Variants in KSR2 observed in about 807,000 individuals in gnomAD.
The protein encoded by KSR2 is kinase suppressor of ras 2.
In KSR2, 25 loss-of-function variants were observed where a neutral mutation model predicts 107.8. That is an observed-to-expected ratio of 0.23 (90% CI 0.17 to 0.32). The LOEUF is 0.32. Among genes scored for constraint, KSR2 ranks in the 10% least tolerant of loss-of-function variants. The probability of loss-of-function intolerance (pLI) is 1.00; values close to 1 mark genes in which losing one functional copy is unlikely to be tolerated. For missense variants in KSR2, 887 were observed against 1,268.9 expected, an observed-to-expected ratio of 0.70 and a Z score of 4.57; for synonymous variants, 480 against 507.0, an observed-to-expected ratio of 0.95 and a Z score of 0.71.
chr12:117,493,036 T>C (rs1872830428), intron 14 of KSR2, among the ~76,000 whole-genome samples: 1 of 152,108 alleles, frequency 6.6e-6, no homozygotes, highest in African/African-American at 2.4e-5. Context: ...TGTTTGTTGT[T>C]TCAAGCCACT....
At chr12:117,964,133 C>T (rs1355063933) in intron 1 of KSR2, among the ~76,000 whole-genome samples, 1 of 152,052 alleles carries the variant, frequency 6.6e-6, no homozygotes, top group Non-Finnish European at 1.5e-5. Flanking sequence ...CAAAAATTAC[C>T]AGGGCATGGT....
intron 5 of KSR2, among the ~76,000 whole-genome samples, chr12:117,595,995 C>A (rs549451042): frequency 6.6e-6 from 1 of 152,212 alleles, no homozygotes; most frequent in East Asian, 1.9e-4. Flanking sequence ...CAGTTGAGCC[C>A]CTGGAGCTTC....
At position 117,490,828 on chromosome 12, in the gene KSR2, G is replaced by A. The variant is rs114211874; in HGVS notation, c.2220-5137C>T. Reference sequence around the variant, plus strand: ...GGGATGAATTTAACGTGTAAAAATTGTACATATTTATTGTGTAGCACATGA... The same window carrying A: ...GGGATGAATTTAACGTGTAAAAATTATACATATTTATTGTGTAGCACATGA... On this transcript the variant is annotated intron_variant, in intron 14 of 19. Coordinates refer to ENST00000339824, the MANE Select transcript of KSR2 (RefSeq NM_173598.6). Among the ~76,000 whole-genome samples the A allele has an allele frequency of 4.4e-3, 667 of 152,294 alleles. 3 individuals carry two copies. The highest frequency in any genetic ancestry group is 0.016 in the African/African-American group (645 of 41,546).
In KSR2 at chr12:117,524,932, G is replaced by A. The variant is rs1175217464; in HGVS notation, c.2139C>T (p.Ala713=). The A allele has an allele frequency of 1.5e-5, 25 of 1,613,916 alleles. No homozygotes were observed. The highest frequency in any genetic ancestry group is 2.1e-5 in the Non-Finnish European group (25 of 1,179,874). The part of the protein sequence containing the change: ...QLKAFKREVM[A]YRQTRHENVV... ...CGTTCTCATGCCGTGTCTGCCTGTAGGCCATCACCTCCCGCTTGAAGGCCT... is the reference window on the plus strand; with the variant it reads ...CGTTCTCATGCCGTGTCTGCCTGTAAGCCATCACCTCCCGCTTGAAGGCCT... Residue 713 remains alanine, a synonymous_variant, in exon 14 of 20, where the codon GCC becomes GCT. Transcript: ENST00000339824.
intron 3 of KSR2, among the ~76,000 whole-genome samples, chr12:117,774,030 G>GT (rs951821360): frequency 2.6e-5 from 4 of 152,194 alleles, no homozygotes; most frequent in Non-Finnish European, 4.4e-5. Context: ...TACACAGCTA[G>GT]TAAGTGGTAG....
intron 4 of KSR2, among the ~76,000 whole-genome samples, chr12:117,688,378 GAA>G (rs1555227969): frequency 6.6e-6 from 1 of 151,054 alleles, no homozygotes; most frequent in African/African-American, 2.4e-5. Context: ...CCTTGTCTCA[GAA>G]AAAAAAAGTC....
chr12:117,658,324 G>A (rs907491849), intron 5 of KSR2, among the ~76,000 whole-genome samples: 45 of 152,168 alleles, frequency 3.0e-4, no homozygotes, highest in African/African-American at 1.1e-3. Flanking sequence ...GATACAGGAC[G>A]ATCCATTTGG....
intron 5 of KSR2, among the ~76,000 whole-genome samples, chr12:117,612,114 G>T (rs1881635593): frequency 6.6e-6 from 1 of 152,144 alleles, no homozygotes; most frequent in African/African-American, 2.4e-5. Flanking sequence ...GGTTAAAGTG[G>T]TATATCTCAT....
At chr12:117,478,894 G>A (rs1490286515) in intron 16 of KSR2, among the ~76,000 whole-genome samples, 1 of 152,200 alleles carries the variant, frequency 6.6e-6, no homozygotes, top group Non-Finnish European at 1.5e-5. Flanking sequence ...AGGTCACTCT[G>A]TAGTGTGGCC....
Position 117,825,392 on chromosome 12 carries a change from C to T in KSR2, c.472+30036G>A, listed in dbSNP as rs1341230879. 2.6e-5 allele frequency among the ~76,000 whole-genome samples: 4 copies of T among 151,996 alleles called. No homozygotes were observed. In the East Asian group the frequency reaches 7.7e-4, roughly 29 times the overall value. On this transcript the variant is annotated intron_variant, in intron 3 of 19. Coordinates refer to ENST00000339824, the MANE Select transcript of KSR2 (RefSeq NM_173598.6). ...AAATGTGTGCAGGGATGGATAGGTG[C>T]ATGGGTCGGGGCATAAATGTAGTGG...
chr12:117,511,524 C>T (rs1874025180), intron 14 of KSR2, among the ~76,000 whole-genome samples: 1 of 152,218 alleles, frequency 6.6e-6, no homozygotes, highest in Non-Finnish European at 1.5e-5. Flanking sequence ...CTAGCTTAGC[C>T]TAACACCAGC....
intron 5 of KSR2, among the ~76,000 whole-genome samples, chr12:117,589,085 G>A (rs1177212843): frequency 6.6e-6 from 1 of 152,144 alleles, no homozygotes; most frequent in African/African-American, 2.4e-5. Context: ...GTTGAACCCA[G>A]TTTCCTATAA....
At position 117,704,272 on chromosome 12, in the gene KSR2, C is replaced by T. The variant is rs189968438; in HGVS notation, c.987-36614G>A. ...GCCACTAAGATTGTATCCCACCTAC[C>T]GCTGTCTCTGGCCAAGCAGGCAAAT... On this transcript the variant is annotated intron_variant, in intron 4 of 19. Coordinates refer to ENST00000339824, the MANE Select transcript of KSR2 (RefSeq NM_173598.6). Among the ~76,000 whole-genome samples the T allele has an allele frequency of 7.9e-5, 12 of 152,210 alleles. No individual in the cohort carries two copies. The East Asian group carries it at 1.9e-3, about 25-fold the overall frequency.
chr12:117,616,243 A>C (rs1456198629), intron 5 of KSR2, among the ~76,000 whole-genome samples: 3 of 152,174 alleles, frequency 2.0e-5, no homozygotes, highest in Non-Finnish European at 4.4e-5. Flanking sequence ...TATTTAAATA[A>C]TGATGACTCA....
At chr12:117,591,691 C>T (rs986745615) in intron 5 of KSR2, among the ~76,000 whole-genome samples, 7 of 150,042 alleles carry the variant, frequency 4.7e-5, no homozygotes, top group Admixed American at 2.7e-4. Context: ...TCACCCATTC[C>T]ACCTGGTCCC....
chr12:117,861,382 T>C (rs1007350595), intron 1 of KSR2, among the ~76,000 whole-genome samples: 4 of 78,396 alleles, frequency 5.1e-5, no homozygotes, highest in Non-Finnish European at 7.4e-5. Flanking sequence ...AATTCGCTTT[T>C]TTTTTTTTTT....
chr12:117,636,500 G>A (rs933879726), intron 5 of KSR2, among the ~76,000 whole-genome samples: 3 of 152,090 alleles, frequency 2.0e-5, no homozygotes, highest in African/African-American at 4.8e-5. Context: ...AGGGAGTACA[G>A]AAACAGTCCT....
rs1163501609 is a variant in KSR2, at chr12:117,453,019, G to T, written c.*14180C>A. ...TCTTTCTGTACAACAGACAACAATA[G>T]AATTCAGACCTGTCTTGGCAGTAGT... is the stretch of plus-strand genomic sequence containing the variant. On this transcript the variant is annotated 3_prime_UTR_variant, in exon 20 of 20. Coordinates refer to ENST00000339824, the MANE Select transcript of KSR2 (RefSeq NM_173598.6). The T allele has an allele frequency of 2.0e-5, 3 of 152,538 alleles. No homozygotes were observed. The highest frequency in any genetic ancestry group is 4.4e-5 in the Non-Finnish European group (3 of 68,034). The allele number at this position is 152,538 out of a possible 1,614,324, so 9.4% of individuals were successfully genotyped here.
intron 3 of KSR2, among the ~76,000 whole-genome samples, chr12:117,838,846 G>A (rs936940052): frequency 6.6e-6 from 1 of 152,198 alleles, no homozygotes; most frequent in African/African-American, 2.4e-5. Flanking sequence ...TTTACAAAAA[G>A]GGTTAGCAAA....
Sources: allele counts gnomAD v4.1 joint callset (sites outside exome capture counted in the v4.1 genomes callset), GRCh38; gene constraint gnomAD v4.1.1; transcripts MANE v1.5; gene names NCBI Gene and HGNC (gene_info 2026-07-23, HGNC 2026-07-21).